The following RAB27A variants were observed in gnomAD, a reference collection of about 807,000 sequenced individuals.
RAB27A encodes the protein RAB27A, member RAS oncogene family, also known as ras-related protein Rab-27A.
A neutral mutation model predicts 20.8 loss-of-function variants in RAB27A; 17 were observed. The observed-to-expected ratio is 0.82, with a 90% CI of 0.56 to 1.23. The LOEUF is 1.23. Ranked by LOEUF, RAB27A falls within the 50% of genes most tolerant of loss-of-function variation. The pLI is 0.00. For missense variants in RAB27A, 277 were observed against 266.7 expected, an observed-to-expected ratio of 1.04 and a Z score of -0.27; for synonymous variants, 85 against 92.8, an observed-to-expected ratio of 0.92 and a Z score of 0.48.
chr15:55,291,909 A>G (rs1020142043), upstream of RAB27A, among the ~76,000 whole-genome samples: 1 of 152,218 alleles, frequency 6.6e-6, no homozygotes, highest in African/African-American at 2.4e-5. Flanking sequence ...AAAGGAAGTT[A>G]AAGAGTGTTA....
Position 55,205,176 on chromosome 15 carries a change from A to G in RAB27A, c.*331T>C, listed in dbSNP as rs1469735388. The G allele has an allele frequency of 2.7e-6, 1 of 365,516 alleles. No homozygotes were observed. The highest frequency in any genetic ancestry group is 4.2e-5 in the Admixed American group (1 of 23,758). 22.6% of individuals were successfully genotyped at this position (365,516 alleles called of 1,614,324 possible). Reference sequence around the variant, plus strand: ...GCCTACCTACATTAAGGCAGGTGACAGTACCCTCATTCATTCTACATAATA... The same window carrying G: ...GCCTACCTACATTAAGGCAGGTGACGGTACCCTCATTCATTCTACATAATA... On this transcript the variant is annotated 3_prime_UTR_variant, in exon 7 of 7. Coordinates refer to ENST00000336787, the MANE Select transcript of RAB27A (RefSeq NM_183235.3).
In RAB27A at chr15:55,298,004, C is replaced by T. The variant is rs1247367314; in HGVS notation, c.-112+16035G>A. Among the ~76,000 whole-genome samples, 3 of 151,812 alleles carry T rather than the reference C, an allele frequency of 2.0e-5. No individual in the cohort carries two copies. The South Asian group carries it at 6.2e-4, about 31-fold the overall frequency. ...TATCATGAGGTCAGGAGATCGAGACCGTCCTGGCTAACACAGTGAAACCCC... is the reference window on the plus strand; with the variant it reads ...TATCATGAGGTCAGGAGATCGAGACTGTCCTGGCTAACACAGTGAAACCCC... On this transcript the variant is annotated intron_variant, in intron 2 of 5. Coordinates refer to the RAB27A transcript ENST00000563262.
upstream of RAB27A, chr15:55,289,822 C>A (rs1386206096): frequency 1.3e-5 from 2 of 152,402 alleles, no homozygotes; most frequent in Non-Finnish European, 2.9e-5. Flanking sequence ...CCGCCTGGCC[C>A]CACATCACTT....
upstream of RAB27A, among the ~76,000 whole-genome samples, chr15:55,292,325 A>T (rs1236977926): frequency 6.6e-6 from 1 of 152,246 alleles, no homozygotes; most frequent in Non-Finnish European, 1.5e-5. Flanking sequence ...TCCTAAAGCG[A>T]TTAAGCAGTC....
intron 2 of RAB27A, chr15:55,237,338 G>T (rs1896300934): frequency 6.6e-6 from 1 of 152,136 alleles, no homozygotes; most frequent in South Asian, 2.1e-4. Flanking sequence ...ACTCCTGAAT[G>T]CTGAGCCCCA....
intron 2 of RAB27A, among the ~76,000 whole-genome samples, chr15:55,252,721 T>C (rs532585762): frequency 6.6e-6 from 1 of 151,628 alleles, no homozygotes; most frequent in Admixed American, 6.6e-5. Context: ...TCTATCTATA[T>C]ACAAAAAAAA....
At chr15:55,314,366 C>T (rs1039994127) in intron 1 of RAB27A, among the ~76,000 whole-genome samples, 1 of 152,108 alleles carries the variant, frequency 6.6e-6, no homozygotes, top group Non-Finnish European at 1.5e-5. Context: ...TGAAAACCGG[C>T]ATAAGGATGC....
At chr15:55,265,496 C>T (rs79446587) in intron 2 of RAB27A, among the ~76,000 whole-genome samples, 5,929 of 152,084 alleles carry the variant, frequency 0.039, 142 homozygotes, top group Non-Finnish European at 0.051. Context: ...ATGTGGGGAA[C>T]GACTTTACCT....
At chr15:55,260,497 T>C (rs1485455418) in intron 2 of RAB27A, among the ~76,000 whole-genome samples, 3 of 152,238 alleles carry the variant, frequency 2.0e-5, no homozygotes, top group African/African-American at 7.2e-5. Context: ...ATATTTATTA[T>C]AGCAGCTTTA....
chr15:55,246,214 G>A (rs1896679238), intron 2 of RAB27A, among the ~76,000 whole-genome samples: 1 of 151,944 alleles, frequency 6.6e-6, no homozygotes, highest in Admixed American at 6.6e-5. Context: ...AGAAAGACCA[G>A]GATGAAGAAA....
rs776330536 is a variant in RAB27A, at chr15:55,234,973, A to C, written c.-22-17T>G. ...GTAGTTCACCTGTAAAATACACACA[A>C]AATTTTTTAATTAAAATCCATTAGA... On this transcript the variant is annotated splice_polypyrimidine_tract_variant and intron_variant, in intron 2 of 6. Coordinates refer to ENST00000336787, the MANE Select transcript of RAB27A (RefSeq NM_183235.3). The C allele has an allele frequency of 1.3e-6, 2 of 1,565,794 alleles. No individual in the cohort carries two copies. The highest frequency in any genetic ancestry group is 1.7e-6 in the Non-Finnish European group (2 of 1,148,918).
intron 6 of RAB27A, among the ~76,000 whole-genome samples, chr15:55,219,808 C>A (rs1895480136): frequency 6.6e-6 from 1 of 152,152 alleles, no homozygotes; most frequent in South Asian, 2.1e-4. Flanking sequence ...GACAATATCA[C>A]TCAATATAAT....
At chr15:55,217,772 TG>T (rs1289720699) in intron 6 of RAB27A, among the ~76,000 whole-genome samples, 2 of 150,318 alleles carry the variant, frequency 1.3e-5, no homozygotes, top group African/African-American at 4.9e-5. Context: ...GTGGTGCTAA[TG>T]TAGCACCACC....
At chr15:55,263,907 A>G (rs1897363457) in intron 2 of RAB27A, among the ~76,000 whole-genome samples, 1 of 152,252 alleles carries the variant, frequency 6.6e-6, no homozygotes, top group South Asian at 2.1e-4. Flanking sequence ...AAATCAGCAA[A>G]CAACTCTGTA....
At chr15:55,317,464 G>T (rs911237248) in intron 1 of RAB27A, 1 of 284,362 alleles carries the variant, frequency 3.5e-6, no homozygotes, top group African/African-American at 2.2e-5. Context: ...ACAGGCGCAT[G>T]CCACCAAGCC....
intron 2 of RAB27A, among the ~76,000 whole-genome samples, chr15:55,311,011 G>A (rs899653199): frequency 1.7e-4 from 26 of 152,180 alleles, no homozygotes; most frequent in Non-Finnish European, 3.1e-4. Context: ...GCAAATGTCT[G>A]CGGCACCAAT....
At chr15:55,293,878 C>T (rs1476159885), upstream of RAB27A, among the ~76,000 whole-genome samples, 2 of 151,950 alleles carry the variant, frequency 1.3e-5, no homozygotes, top group African/African-American at 4.8e-5. Flanking sequence ...GATCGTGCAA[C>T]TGCACTCCAG....
At chr15:55,304,021 G>A (rs1280836144) in intron 2 of RAB27A, among the ~76,000 whole-genome samples, 1 of 151,830 alleles carries the variant, frequency 6.6e-6, no homozygotes, top group African/African-American at 2.4e-5. Context: ...GGAATAGAAA[G>A]GCGGGAAAGG....
chr15:55,283,521 T>C (rs1016163631), intron 1 of RAB27A, among the ~76,000 whole-genome samples: 1 of 152,164 alleles, frequency 6.6e-6, no homozygotes, highest in Non-Finnish European at 1.5e-5. Flanking sequence ...CTGGGACAGC[T>C]GACCTTGTCC....
Sources: allele counts gnomAD v4.1 joint callset (sites outside exome capture counted in the v4.1 genomes callset), GRCh38; gene constraint gnomAD v4.1.1; transcripts MANE v1.5; gene names NCBI Gene and HGNC (gene_info 2026-07-23, HGNC 2026-07-21).